The following BLTP3B variants were observed in gnomAD, a reference collection of about 807,000 sequenced individuals.
The protein encoded by BLTP3B is UHRF1 (ICBP90) binding protein 1-like.
chr12:100,074,438 A>C, the BLTP3B span, among the ~76,000 whole-genome samples: 3 of 152,130 alleles, frequency 2.0e-5, no homozygotes, highest in Non-Finnish European at 4.4e-5. Context: ...ATCTCTACCA[A>C]AAATACAAAA....
At chr12:100,092,142 T>C in the BLTP3B span, among the ~76,000 whole-genome samples, 1 of 152,200 alleles carries the variant, frequency 6.6e-6, no homozygotes, top group African/African-American at 2.4e-5. Context: ...AATAGTCTTC[T>C]TTCTCTTTTA....
At chr12:100,114,943 T>C in the BLTP3B span, among the ~76,000 whole-genome samples, 2 of 152,202 alleles carry the variant, frequency 1.3e-5, no homozygotes, top group Non-Finnish European at 2.9e-5. Flanking sequence ...AGGTACTTGA[T>C]TATCTCCAGG....
chr12:100,045,181 A>T, the BLTP3B span, among the ~76,000 whole-genome samples: 3 of 152,348 alleles, frequency 2.0e-5, no homozygotes, highest in Middle Eastern at 6.8e-3. Context: ...TGCCCAAGTT[A>T]ATTTATAGAT....
At chr12:100,037,464 C>T in the BLTP3B span, 51 of 1,391,428 alleles carry the variant, frequency 3.7e-5, no homozygotes, top group African/African-American at 5.5e-4. Context: ...TTGTAATGCC[C>T]GTACTAATAC....
the BLTP3B span, among the ~76,000 whole-genome samples, chr12:100,083,342 A>T: frequency 6.6e-6 from 1 of 152,288 alleles, no homozygotes; most frequent in East Asian, 1.9e-4. Flanking sequence ...CACATGTCAC[A>T]TTTAAGTTAG....
the BLTP3B span, among the ~76,000 whole-genome samples, chr12:100,101,905 G>C: frequency 6.6e-6 from 1 of 152,176 alleles, no homozygotes; most frequent in Non-Finnish European, 1.5e-5. Context: ...CCGGGTTCAA[G>C]CAATTCTCCT....
the BLTP3B span, chr12:100,083,171 AATT>A: frequency 1.4e-6 from 2 of 1,473,210 alleles, no homozygotes; most frequent in Non-Finnish European, 1.9e-6. Context: ...TTCATTGCAA[AATT>A]ATTTTTAACA....
At chr12:100,095,979 C>T in the BLTP3B span, 9 of 870,992 alleles carry the variant, frequency 1.0e-5, no homozygotes, top group South Asian at 2.0e-5. Context: ...TGGCCGGGCA[C>T]GGTGGCTCAT....
chr12:100,105,701 C>T, the BLTP3B span, among the ~76,000 whole-genome samples: 5 of 152,140 alleles, frequency 3.3e-5, no homozygotes, highest in Middle Eastern at 3.4e-3. Flanking sequence ...TAAACTAAAA[C>T]GCTTCTACAC....
the BLTP3B span, chr12:100,037,532 T>C: frequency 3.2e-6 from 5 of 1,546,058 alleles, no homozygotes; most frequent in Non-Finnish European, 4.3e-6. Context: ...TGTTTTATTG[T>C]CTTTTCATGA....
the BLTP3B span, among the ~76,000 whole-genome samples, chr12:100,054,459 TTTAA>T: frequency 1.3e-5 from 2 of 152,306 alleles, no homozygotes; most frequent in Admixed American, 6.5e-5. Flanking sequence ...TTACTTATTA[TTTAA>T]TTATTAGAAA....
At chr12:100,048,767 A>AGTGTGTGT in the BLTP3B span, among the ~76,000 whole-genome samples, 1 of 111,840 alleles carries the variant, frequency 8.9e-6, no homozygotes, top group African/African-American at 3.7e-5. Context: ...AGAGAGTGAG[A>AGTGTGTGT]GTGAGTGTGT....
chr12:100,084,647 T>C, the BLTP3B span: 7 of 1,613,452 alleles, frequency 4.3e-6, no homozygotes, highest in Non-Finnish European at 5.1e-6. Flanking sequence ...ATCCAATGAT[T>C]ACAACTATCT....
the BLTP3B span, among the ~76,000 whole-genome samples, chr12:100,045,866 T>G: frequency 6.6e-6 from 1 of 152,096 alleles, no homozygotes; most frequent in Non-Finnish European, 1.5e-5. Context: ...TACAAAGAAC[T>G]TAAACAAATT....
At chr12:100,066,163 TAAGGTA>T in the BLTP3B span, among the ~76,000 whole-genome samples, 2 of 152,184 alleles carry the variant, frequency 1.3e-5, no homozygotes, top group African/African-American at 4.8e-5. Context: ...CACACAAACT[TAAGGTA>T]AAGGGGTGGA....
the BLTP3B span, among the ~76,000 whole-genome samples, chr12:100,114,842 C>A: frequency 6.6e-6 from 1 of 152,156 alleles, no homozygotes; most frequent in Admixed American, 6.5e-5. Context: ...GGCTTTTCTA[C>A]AGAAACTCCT....
At chr12:100,106,659 C>G in the BLTP3B span, among the ~76,000 whole-genome samples, 1 of 152,130 alleles carries the variant, frequency 6.6e-6, no homozygotes, top group Admixed American at 6.5e-5. Flanking sequence ...ACAATATACA[C>G]TACTCAGCTG....
chr12:100,037,587 T>C, the BLTP3B span: 5 of 1,589,762 alleles, frequency 3.1e-6, no homozygotes, highest in South Asian at 2.3e-5. Context: ...ATTATAAATA[T>C]AACCTTCCTA....
the BLTP3B span, chr12:100,050,259 T>C: frequency 6.2e-7 from 1 of 1,611,672 alleles, no homozygotes; most frequent in Non-Finnish European, 8.5e-7. Context: ...TTTCTGTATC[T>C]TCCCCTCGGA....
Sources: allele counts gnomAD v4.1 joint callset (sites outside exome capture counted in the v4.1 genomes callset), GRCh38; gene constraint gnomAD v4.1.1; transcripts MANE v1.5; gene names NCBI Gene and HGNC (gene_info 2026-07-23, HGNC 2026-07-21).